Variants in RFC3 observed in about 807,000 individuals in gnomAD.
RFC3 encodes replication factor C subunit 3, also known as A1 38 kDa subunit.
RFC3 carries 41 observed loss-of-function variants against 45.1 expected under a neutral mutation model. The observed-to-expected ratio is 0.91, with a 90% CI of 0.71 to 1.18. RFC3 has a LOEUF of 1.18. Ranked by LOEUF, RFC3 falls within the 50% of genes most tolerant of loss-of-function variation. The pLI, the probability that RFC3 is intolerant of heterozygous loss-of-function variation, is 0.00. For missense variants in RFC3, 423 were observed against 428.1 expected (o/e 0.99, Z 0.10); for synonymous variants, 149 against 144.0 (o/e 1.03, Z -0.25).
At chr13:33,841,725 G>T (rs2082200093), downstream of RFC3, among the ~76,000 whole-genome samples, 1 of 152,268 alleles carries the variant, frequency 6.6e-6, no homozygotes, top group African/African-American at 2.4e-5. Flanking sequence ...AACTGTATTT[G>T]ATTATCAGCT....
intron 8 of RFC3, among the ~76,000 whole-genome samples, chr13:33,889,192 A>G (rs1332824490): frequency 6.6e-6 from 1 of 152,222 alleles, no homozygotes; most frequent in Admixed American, 6.5e-5. Context: ...ATCACTGAAC[A>G]ATGCAGTTAT....
chr13:33,973,375 C>G, the RFC3 span, among the ~76,000 whole-genome samples: 1 of 152,116 alleles, frequency 6.6e-6, no homozygotes, highest in Non-Finnish European at 1.5e-5. Context: ...AAAATCAGTG[C>G]AGTGTCATGG....
chr13:33,830,005 C>A lies in RFC3; in HGVS notation c.561C>A (p.Pro187=), dbSNP rs1351951495. 1.9e-6 allele frequency: 3 copies of A among 1,613,636 alleles called. No homozygotes were observed. Among genetic ancestry groups the A allele is most frequent in the Non-Finnish European group, 2.5e-6 (3 of 1,179,792 alleles). The change falls in exon 5 of 9, where the codon CCC becomes CCA. Residue 187 remains proline (P), a synonymous_variant. Coordinates refer to ENST00000380071, the MANE Select transcript of RFC3 (RefSeq NM_002915.4). ...GCTTGGCGGTTCGTGTGCCTGCTCC[C>A]AGCATTGAAGATGTAGGTCAAGTTA... is the stretch of plus-strand genomic sequence containing the variant. ...SRCLAVRVPA[P]SIEDICHVLS...
chr13:33,879,058 C>T lies in RFC3; in HGVS notation c.879+43841C>T, dbSNP rs543294679. ...TCTAGGTTGTATTTTAGCATAGGTCCCTATAAATTTCTTCCCATCCCAAAT... is the reference window on the plus strand; with the variant it reads ...TCTAGGTTGTATTTTAGCATAGGTCTCTATAAATTTCTTCCCATCCCAAAT... On this transcript the variant is annotated intron_variant, in intron 8 of 8. Transcript: ENST00000434425. 2.6e-5 allele frequency among the ~76,000 whole-genome samples: 4 copies of T among 152,080 alleles called. No individual in the cohort carries two copies. In the South Asian group the frequency reaches 8.3e-4, roughly 32 times the overall value.
At chr13:33,872,800 C>CG (rs1555235497) in intron 8 of RFC3, among the ~76,000 whole-genome samples, 13 of 140,804 alleles carry the variant, frequency 9.2e-5, no homozygotes, top group African/African-American at 3.4e-4. Context: ...AAACCCCCCC[C>CG]CCCAAAATAC....
At chr13:33,864,393 G>A (rs2082360524) in intron 8 of RFC3, among the ~76,000 whole-genome samples, 1 of 151,342 alleles carries the variant, frequency 6.6e-6, no homozygotes, top group South Asian at 2.1e-4. Context: ...TCAAGAACAC[G>A]ACTGGCATCT....
At chr13:33,956,597 T>C (rs752714809) in intron 8 of RFC3, among the ~76,000 whole-genome samples, 7 of 152,202 alleles carry the variant, frequency 4.6e-5, no homozygotes, top group Non-Finnish European at 7.4e-5. Context: ...ATGACTGTTA[T>C]GTAGTTCAGG....
chr13:33,853,495 G>GA (rs1203720348), intron 8 of RFC3, among the ~76,000 whole-genome samples: 2 of 151,974 alleles, frequency 1.3e-5, no homozygotes, highest in Non-Finnish European at 2.9e-5. Context: ...CTCAAGAAAA[G>GA]AAAAAACTAG....
chr13:33,882,978 G>T (rs1008742077), intron 8 of RFC3, among the ~76,000 whole-genome samples: 2 of 152,182 alleles, frequency 1.3e-5, no homozygotes, highest in African/African-American at 4.8e-5. Flanking sequence ...ACCCCATTGT[G>T]TGGATGTTCC....
chr13:33,932,259 T>G (rs1386198005), intron 8 of RFC3, among the ~76,000 whole-genome samples: 1 of 152,150 alleles, frequency 6.6e-6, no homozygotes, highest in Non-Finnish European at 1.5e-5. Context: ...AAATTATTCC[T>G]TAATGCCATT....
At chr13:33,866,273 A>G (rs752227930) in intron 8 of RFC3, among the ~76,000 whole-genome samples, 1 of 152,268 alleles carries the variant, frequency 6.6e-6, no homozygotes, top group South Asian at 2.1e-4. Flanking sequence ...AGAGATGCCA[A>G]TGGGAAGTGC....
At chr13:33,940,226 A>AT (rs985760377) in intron 8 of RFC3, among the ~76,000 whole-genome samples, 5 of 151,866 alleles carry the variant, frequency 3.3e-5, no homozygotes, top group Non-Finnish European at 5.9e-5. Context: ...AAATGTTATA[A>AT]TTTTTTTTCT....
chr13:33,826,404 C>A (rs2082049456), intron 4 of RFC3, among the ~76,000 whole-genome samples: 1 of 152,144 alleles, frequency 6.6e-6, no homozygotes, highest in Non-Finnish European at 1.5e-5. Flanking sequence ...GTGCTCATTT[C>A]TCCGTGACAT....
At chr13:33,906,416 C>A (rs1416810325) in intron 8 of RFC3, among the ~76,000 whole-genome samples, 1 of 151,794 alleles carries the variant, frequency 6.6e-6, no homozygotes, top group Non-Finnish European at 1.5e-5. Flanking sequence ...CCGGGAGATA[C>A]CCAGAATCTC....
intron 8 of RFC3, among the ~76,000 whole-genome samples, chr13:33,864,006 C>G (rs1438560795): frequency 6.6e-6 from 1 of 152,150 alleles, no homozygotes; most frequent in African/African-American, 2.4e-5. Flanking sequence ...GGTTCTGCAG[C>G]CTGTACAAGC....
intron 8 of RFC3, among the ~76,000 whole-genome samples, chr13:33,938,546 A>T (rs1002846125): frequency 6.6e-6 from 1 of 152,064 alleles, no homozygotes; most frequent in Non-Finnish European, 1.5e-5. Flanking sequence ...TGTTTTGGAA[A>T]CTTATACAAG....
chr13:33,909,331 C>G (rs2082690532), intron 8 of RFC3, among the ~76,000 whole-genome samples: 1 of 152,040 alleles, frequency 6.6e-6, no homozygotes, highest in Non-Finnish European at 1.5e-5. Flanking sequence ...ACCCTGGTCC[C>G]TGACCTCCTG....
chr13:33,885,999 A>G (rs555336974), intron 8 of RFC3, among the ~76,000 whole-genome samples: 2 of 152,006 alleles, frequency 1.3e-5, no homozygotes, highest in Admixed American at 6.6e-5. Context: ...GGTGACTGCC[A>G]TGGAGGACTT....
In RFC3 at chr13:33,836,896, TTAAG is replaced by T; in HGVS notation, c.*604_*607del. 1.0e-6 allele frequency: 1 copy of T among 984,680 alleles called. No individual in the cohort carries two copies. The highest frequency in any genetic ancestry group is 1.2e-6 in the Non-Finnish European group (1 of 829,310). The allele number at this position is 984,680 out of a possible 1,614,324, so 61.0% of individuals were successfully genotyped here. ...AAGAAATAAGCATGTTTTCACTAAT[TTAAG>T]TACTTGAGACTCTTGAAGAAAATTC... On this transcript the variant is annotated 3_prime_UTR_variant, in exon 9 of 9. Transcript: ENST00000380071.
Sources: allele counts gnomAD v4.1 joint callset (sites outside exome capture counted in the v4.1 genomes callset), GRCh38; gene constraint gnomAD v4.1.1; transcripts MANE v1.5; gene names NCBI Gene and HGNC (gene_info 2026-07-23, HGNC 2026-07-21).